The following CDH13 variants were observed in gnomAD, a reference collection of about 807,000 sequenced individuals.
CDH13 encodes the protein cadherin-13.
In CDH13, 24 loss-of-function variants were observed where a neutral mutation model predicts 63.8. The ratio of observed to expected loss-of-function variants is 0.38; its 90% confidence interval spans 0.27 to 0.53. The LOEUF (loss-of-function observed/expected upper bound fraction) is 0.53. CDH13 is among the 20% of genes least tolerant of loss of function. The pLI, the probability that CDH13 is intolerant of heterozygous loss-of-function variation, is 0.85. For synonymous variants in CDH13, 503 were observed against 355.3 expected, an observed-to-expected ratio of 1.42 and a Z score of -4.67; for missense variants, 1,049 against 903.1, an observed-to-expected ratio of 1.16 and a Z score of -2.07.
intron 1 of CDH13, among the ~76,000 whole-genome samples, chr16:82,793,067 CT>C (rs1448242952): frequency 1.3e-5 from 2 of 152,194 alleles, no homozygotes; most frequent in Non-Finnish European, 2.9e-5. Context: ...TCACAGATGG[CT>C]AAGTTAAATG....
At chr16:82,743,746 A>G (rs1003712165) in intron 1 of CDH13, among the ~76,000 whole-genome samples, 1 of 152,294 alleles carries the variant, frequency 6.6e-6, no homozygotes, top group Non-Finnish European at 1.5e-5. Flanking sequence ...GTTTTCTCAC[A>G]TTCCTGTCCA....
At chr16:83,626,524 A>C (rs1172605419) in intron 8 of CDH13, among the ~76,000 whole-genome samples, 1 of 152,182 alleles carries the variant, frequency 6.6e-6, no homozygotes, top group Non-Finnish European at 1.5e-5. Flanking sequence ...TGCAAGTCAC[A>C]AATGTGTGGT....
intron 3 of CDH13, among the ~76,000 whole-genome samples, chr16:83,061,848 C>T (rs1202804469): frequency 1.3e-5 from 2 of 152,182 alleles, no homozygotes; most frequent in African/African-American, 2.4e-5. Flanking sequence ...ATGGTCAATG[C>T]CTGCCTTAAT....
At chr16:83,032,867 G>C (rs1916496746) in intron 3 of CDH13, among the ~76,000 whole-genome samples, 1 of 152,194 alleles carries the variant, frequency 6.6e-6, no homozygotes, top group African/African-American at 2.4e-5. Context: ...GTTTTCAGAG[G>C]AAAGGAAATG....
intron 1 of CDH13, among the ~76,000 whole-genome samples, chr16:82,732,933 A>T (rs553124672): frequency 6.6e-6 from 1 of 152,352 alleles, no homozygotes; most frequent in Non-Finnish European, 1.5e-5. Context: ...ATTTAAGTTT[A>T]GGATCTCAGA....
Position 82,858,371 on chromosome 16 carries a change from C to T in CDH13, c.55C>T (p.Leu19=), listed in dbSNP as rs1277791254. 1 of 1,610,890 alleles carries T rather than the reference C, an allele frequency of 6.2e-7. No homozygotes were observed. Among genetic ancestry groups the T allele is most frequent in the East Asian group, 2.2e-5 (1 of 44,858 alleles). Reference sequence around the variant, plus strand: ...GCTTTGGTTTTCTCAGGTGCTGCTGCTAACATCTGCAGAAGATTTGGACTG... The same window carrying T: ...GCTTTGGTTTTCTCAGGTGCTGCTGTTAACATCTGCAGAAGATTTGGACTG... ...LCVLLSQVLL[L]TSAEDLDCTP... The change falls in exon 2 of 14, where the codon CTA becomes TTA. Residue 19 remains leucine (L), a synonymous_variant. Transcript: ENST00000567109.
intron 5 of CDH13, among the ~76,000 whole-genome samples, chr16:83,323,146 C>T (rs2090268427): frequency 8.6e-6 from 1 of 115,670 alleles, no homozygotes; most frequent in African/African-American, 3.4e-5. Context: ...TGAAGACCTC[C>T]CTACTTCTTT....
At chr16:83,762,298 G>T (rs1041945776) in intron 11 of CDH13, among the ~76,000 whole-genome samples, 1 of 152,034 alleles carries the variant, frequency 6.6e-6, no homozygotes, top group African/African-American at 2.4e-5. Flanking sequence ...TTTTCTGAAA[G>T]GTCAAAATAG....
At chr16:83,681,671 A>G (rs72797219) in intron 10 of CDH13, among the ~76,000 whole-genome samples, 21,333 of 151,812 alleles carry the variant, frequency 0.14, 1,747 homozygotes, top group Middle Eastern at 0.25. Flanking sequence ...AGGTTGAGCT[A>G]TTGTCATGGG....
chr16:83,356,145 T>C (rs1289020003), intron 6 of CDH13, among the ~76,000 whole-genome samples: 2 of 151,984 alleles, frequency 1.3e-5, no homozygotes, highest in African/African-American at 4.8e-5. Flanking sequence ...TGCAAGTAAT[T>C]CCAAAGTTGC....
At chr16:82,815,673 C>A (rs552883262) in intron 1 of CDH13, among the ~76,000 whole-genome samples, 2 of 152,258 alleles carry the variant, frequency 1.3e-5, no homozygotes, top group South Asian at 4.2e-4. Context: ...CCAGTCTCCA[C>A]AGGGCTCTGT....
Position 83,686,088 on chromosome 16 carries a change from G to A in CDH13, c.1538+7627G>A, listed in dbSNP as rs114327403. ...TGAGGAGAGAGAACCTCCCTGAGCC[G>A]TGGTTAAAGGAGGAAAGCACACAAG... On this transcript the variant is annotated intron_variant, in intron 10 of 13. Coordinates refer to ENST00000567109, the MANE Select transcript of CDH13 (RefSeq NM_001257.5). Among the ~76,000 whole-genome samples the A allele has an allele frequency of 5.1e-3, 784 of 152,292 alleles. 12 individuals are homozygous for A. The highest frequency in any genetic ancestry group is 0.017 in the African/African-American group (719 of 41,562).
At chr16:83,295,748 A>G (rs935909366) in intron 5 of CDH13, among the ~76,000 whole-genome samples, 3 of 152,198 alleles carry the variant, frequency 2.0e-5, no homozygotes, top group African/African-American at 7.2e-5. Flanking sequence ...GCTATAATGG[A>G]AAATAGTATA....
chr16:82,917,770 C>G (rs965589691), intron 2 of CDH13, among the ~76,000 whole-genome samples: 1 of 152,002 alleles, frequency 6.6e-6, no homozygotes, highest in African/African-American at 2.4e-5. Context: ...AAAAAATTAG[C>G]CAGGCTTGGT....
At chr16:82,677,401 T>C (rs1914052231) in intron 1 of CDH13, among the ~76,000 whole-genome samples, 1 of 150,764 alleles carries the variant, frequency 6.6e-6, no homozygotes, top group Non-Finnish European at 1.5e-5. Context: ...TATTGTATTT[T>C]CCCTACTGAG....
chr16:83,399,505 T>A (rs2091935491), intron 6 of CDH13, among the ~76,000 whole-genome samples: 1 of 152,156 alleles, frequency 6.6e-6, no homozygotes, highest in South Asian at 2.1e-4. Flanking sequence ...CTCTCTCCCA[T>A]CCCACATGGT....
chr16:83,161,690 C>T (rs1183579490), intron 4 of CDH13, among the ~76,000 whole-genome samples: 1 of 152,128 alleles, frequency 6.6e-6, no homozygotes, highest in East Asian at 1.9e-4. Flanking sequence ...AAGAATCACC[C>T]ACCATGGTTC....
chr16:83,590,207 G>C (rs1488680046), intron 7 of CDH13, among the ~76,000 whole-genome samples: 1 of 152,182 alleles, frequency 6.6e-6, no homozygotes, highest in Non-Finnish European at 1.5e-5. Context: ...GCTCTGGCTG[G>C]CTTTGGGGTG....
At chr16:83,287,564 A>G (rs1400275155) in intron 5 of CDH13, among the ~76,000 whole-genome samples, 3 of 152,192 alleles carry the variant, frequency 2.0e-5, no homozygotes, top group African/African-American at 7.2e-5. Flanking sequence ...ATGAGAATCT[A>G]ATGCCTGATG....
Sources: gnomAD v4.1 joint callset for allele counts (sites outside exome capture counted in the v4.1 genomes callset) on GRCh38, gnomAD v4.1.1 for gene constraint, MANE v1.5 for transcripts, NCBI Gene and HGNC (gene_info 2026-07-23, HGNC 2026-07-21) for gene names.